The following BCAS3 variants were observed in gnomAD, a reference collection of about 807,000 sequenced individuals.
BCAS3 encodes BCAS3 microtubule associated cell migration factor, also known as BCAS4/BCAS3 fusion.
Under a neutral mutation model 116.1 loss-of-function variants are expected in BCAS3, and 53 were observed. The ratio of observed to expected loss-of-function variants is 0.46; its 90% CI spans 0.37 to 0.57. The LOEUF is 0.57. BCAS3 is among the 20% of genes least tolerant of loss of function. The probability of loss-of-function intolerance (pLI) is 0.00; values close to 1 mark genes in which losing one functional copy is unlikely to be tolerated. For synonymous variants in BCAS3, 391 were observed against 408.2 expected, an observed-to-expected ratio of 0.96 and a Z score of 0.51; for missense variants, 917 against 1,165.4, an observed-to-expected ratio of 0.79 and a Z score of 3.10.
intron 14 of BCAS3, among the ~76,000 whole-genome samples, chr17:60,976,199 AT>A (rs200259261): frequency 0.15 from 22,740 of 149,514 alleles, 5,479 homozygotes; most frequent in African/African-American, 0.51. Flanking sequence ...AATTTTTTGT[AT>A]TTTTTAGTAG....
intron 12 of BCAS3, among the ~76,000 whole-genome samples, chr17:60,922,991 T>A (rs1453382439): frequency 1.3e-5 from 2 of 152,060 alleles, no homozygotes; most frequent in Non-Finnish European, 2.9e-5. Flanking sequence ...GACAAGAAAA[T>A]GGCCTGAAAT....
chr17:61,246,533 C>A lies in BCAS3; in HGVS notation c.2426-121794C>A, dbSNP rs7213503. 1.1e-4 allele frequency among the ~76,000 whole-genome samples: 17 copies of A among 150,602 alleles called. No homozygotes were observed. In the East Asian group the frequency reaches 3.3e-3, roughly 29 times the overall value. ...GTTTCCCCCAGTCCCCTAGGTCTCT[C>A]CTTTTACTTCCGCAACCAACCAGAA... On this transcript the variant is annotated intron_variant, in intron 22 of 23. Coordinates refer to ENST00000407086, the MANE Select transcript of BCAS3 (RefSeq NM_017679.5).
At chr17:60,767,340 CTTTTTTT>C (rs779804407) in intron 6 of BCAS3, among the ~76,000 whole-genome samples, 1 of 116,426 alleles carries the variant, frequency 8.6e-6, no homozygotes. Context: ...CTCAGAAGTC[CTTTTTTT>C]TTTTTTTTTT....
Position 61,037,049 on chromosome 17 carries a change from G to T in BCAS3, c.1763-840G>T, listed in dbSNP as rs2067093120. On this transcript the variant is annotated intron_variant, in intron 17 of 23. Transcript: ENST00000407086. The surrounding 1 kb of genome is among the most constrained non-coding windows in gnomAD (Gnocchi z 4.7). ...CCAACCAGAGTGGTACGTGTGTTTG[G>T]ATTGATGAACCTACATTGACACATC... 6.6e-6 allele frequency among the ~76,000 whole-genome samples: 1 copy of T among 152,072 alleles called. No individual in the cohort carries two copies. Among genetic ancestry groups the T allele is most frequent in the Admixed American group, 6.6e-5 (1 of 15,260 alleles).
rs147071462 is a variant in BCAS3, at chr17:61,336,613, C to T, written c.2426-31714C>T. ...GTGTTCATGCCAAGCCTGGCTTCCC[C>T]GCAGTCACAATCCTTTGTACTTTGT... On this transcript the variant is annotated intron_variant, in intron 22 of 23. Transcript: ENST00000407086. Among the ~76,000 whole-genome samples, 183 of 152,282 alleles carry T rather than the reference C, an allele frequency of 1.2e-3. 1 individual carries two copies. Among genetic ancestry groups the T allele is most frequent in the African/African-American group, 4.1e-3 (171 of 41,550 alleles).
chr17:60,915,721 C>A (rs1417918335), intron 12 of BCAS3, among the ~76,000 whole-genome samples: 2 of 148,794 alleles, frequency 1.3e-5, no homozygotes, highest in African/African-American at 5.0e-5. Context: ...CTCACTCTGT[C>A]GCCCAGGCTG....
intron 15 of BCAS3, among the ~76,000 whole-genome samples, chr17:60,999,457 C>T (rs2064075434): frequency 6.6e-6 from 1 of 151,520 alleles, no homozygotes; most frequent in Admixed American, 6.6e-5. Context: ...AGGAGAATCA[C>T]CTGAACCCGC....
chr17:61,371,226 A>G (rs938522718), intron 23 of BCAS3, among the ~76,000 whole-genome samples: 5 of 152,248 alleles, frequency 3.3e-5, no homozygotes, highest in African/African-American at 1.2e-4. Flanking sequence ...AGGTGTAGCC[A>G]GCCTTGATTT....
intron 5 of BCAS3, among the ~76,000 whole-genome samples, chr17:60,728,017 CA>C (rs2040076216): frequency 2.0e-5 from 3 of 151,962 alleles, no homozygotes. Flanking sequence ...CCATGTTACC[CA>C]GGCTGTTCTG....
intron 22 of BCAS3, among the ~76,000 whole-genome samples, chr17:61,154,916 G>GTT (rs61237614): frequency 7.0e-6 from 1 of 143,796 alleles, no homozygotes. Context: ...AATGCAACTG[G>GTT]TTTTTTTTTT....
In BCAS3 at chr17:61,122,206, T is replaced by C. The variant is rs1157013172; in HGVS notation, c.2425+37642T>C. Among the ~76,000 whole-genome samples the C allele has an allele frequency of 1.3e-5, 2 of 152,184 alleles. No individual in the cohort carries two copies. The highest frequency in any genetic ancestry group is 2.9e-5 in the Non-Finnish European group (2 of 68,016). On this transcript the variant is annotated intron_variant, in intron 22 of 23. Coordinates refer to ENST00000407086, the MANE Select transcript of BCAS3 (RefSeq NM_017679.5). This position sits in a 1 kb window ranked among gnomAD's most constrained non-coding sequence, Gnocchi z 4.6. Reference sequence around the variant, plus strand: ...TACACATGCATCTTCCAGTGACGCATTTGAAATGGTGAAATCTGATTGCTA... The same window carrying C: ...TACACATGCATCTTCCAGTGACGCACTTGAAATGGTGAAATCTGATTGCTA...
At chr17:60,992,675 A>G (rs2063603755) in intron 15 of BCAS3, among the ~76,000 whole-genome samples, 1 of 152,212 alleles carries the variant, frequency 6.6e-6, no homozygotes, top group Non-Finnish European at 1.5e-5. Flanking sequence ...CGAACATAAA[A>G]TAAAAATTGA....
At chr17:60,754,350 G>A (rs1235741267) in intron 6 of BCAS3, among the ~76,000 whole-genome samples, 2 of 151,980 alleles carry the variant, frequency 1.3e-5, no homozygotes, top group Admixed American at 6.6e-5. Context: ...GACCACAGGC[G>A]TGTGCCACCA....
In BCAS3 at chr17:60,964,466, G is replaced by A. The variant is rs574585875; in HGVS notation, c.1221+17114G>A. ...TTTTGTTGAGGATTTTCACATATAT[G>A]TTCATCACGGATATTGGCCTGTAGT... On this transcript the variant is annotated intron_variant, in intron 14 of 23. Transcript: ENST00000407086. This position sits in a 1 kb window ranked among gnomAD's most constrained non-coding sequence, Gnocchi z 4.6. Among the ~76,000 whole-genome samples the A allele has an allele frequency of 3.9e-5, 6 of 152,178 alleles. No individual in the cohort carries two copies. The highest frequency in any genetic ancestry group is 1.4e-4 in the African/African-American group (6 of 41,542).
In BCAS3 at chr17:61,309,383, A is replaced by G. The variant is rs1434087374; in HGVS notation, c.2426-58944A>G. ...TATGGGCAGATGAGCATGCCTGAGTACTGAACACTACCGTGTCACTCCCCA... is the reference window on the plus strand; with the variant it reads ...TATGGGCAGATGAGCATGCCTGAGTGCTGAACACTACCGTGTCACTCCCCA... On this transcript the variant is annotated intron_variant, in intron 22 of 23. Coordinates refer to ENST00000407086, the MANE Select transcript of BCAS3 (RefSeq NM_017679.5). This position sits in a 1 kb window ranked among gnomAD's most constrained non-coding sequence, Gnocchi z 4.6. Among the ~76,000 whole-genome samples the G allele has an allele frequency of 1.3e-5, 2 of 152,012 alleles. No individual in the cohort carries two copies. The highest frequency in any genetic ancestry group is 3.9e-4 in the East Asian group (2 of 5,176).
intron 2 of BCAS3, among the ~76,000 whole-genome samples, chr17:60,681,391 T>C (rs2033084110): frequency 6.6e-6 from 1 of 151,452 alleles, no homozygotes; most frequent in South Asian, 2.1e-4. Context: ...TCCCAGCTAC[T>C]TGGGAGGCTG....
chr17:61,325,944 C>T lies in BCAS3; in HGVS notation c.2426-42383C>T, dbSNP rs780964947. On this transcript the variant is annotated intron_variant, in intron 22 of 23. Transcript: ENST00000407086. This position sits in a 1 kb window ranked among gnomAD's most constrained non-coding sequence, Gnocchi z 6.4. ...GCTAATATATACTGCAGGGAAGCCTCGGCAGAGAACAGAGTGAAAAATCGT... is the reference window on the plus strand; with the variant it reads ...GCTAATATATACTGCAGGGAAGCCTTGGCAGAGAACAGAGTGAAAAATCGT... 7.9e-5 allele frequency among the ~76,000 whole-genome samples: 12 copies of T among 152,114 alleles called. No individual in the cohort carries two copies. Among genetic ancestry groups the T allele is most frequent in the African/African-American group, 1.9e-4 (8 of 41,426 alleles).
chr17:60,749,775 A>C (rs2042293545), intron 6 of BCAS3, among the ~76,000 whole-genome samples: 1 of 152,264 alleles, frequency 6.6e-6, no homozygotes. Flanking sequence ...CTTTACATAC[A>C]AATAAGTAGC....
At chr17:61,267,599 T>A (rs111437853) in intron 22 of BCAS3, among the ~76,000 whole-genome samples, 8,893 of 149,440 alleles carry the variant, frequency 0.06, 264 homozygotes, top group East Asian at 0.093. Context: ...TAGCTGGGCA[T>A]GGTGATGTGT....
Sources: allele counts gnomAD v4.1 joint callset (sites outside exome capture counted in the v4.1 genomes callset), GRCh38; gene constraint gnomAD v4.1.1; non-coding constraint Gnocchi (gnomAD v3.1); transcripts MANE v1.5; gene names NCBI Gene and HGNC (gene_info 2026-07-23, HGNC 2026-07-21).